SLC35F3: variants seen among roughly 807,000 people sequenced by gnomAD.
SLC35F3 encodes the protein putative thiamine transporter SLC35F3.
Under a neutral mutation model 49.9 loss-of-function variants are expected in SLC35F3, and 25 were observed. The observed-to-expected ratio is 0.50, with a 90% CI of 0.37 to 0.70. The LOEUF (loss-of-function observed/expected upper bound fraction) is 0.70, where lower values mean the gene tolerates loss of function less well. SLC35F3 is among the 30% of genes least tolerant of loss of function. The pLI is 0.00. For synonymous variants in SLC35F3, 275 were observed against 265.4 expected, an observed-to-expected ratio of 1.04 and a Z score of -0.35; for missense variants, 525 against 639.8, an observed-to-expected ratio of 0.82 and a Z score of 1.94.
intron 3 of SLC35F3, among the ~76,000 whole-genome samples, chr1:234,279,601 T>C (rs1337728761): frequency 6.6e-6 from 1 of 151,892 alleles, no homozygotes; most frequent in Non-Finnish European, 1.5e-5. Flanking sequence ...TCACAGATGG[T>C]GGGAAGTGGA....
At chr1:234,054,121 G>A (rs959822356) in intron 2 of SLC35F3, among the ~76,000 whole-genome samples, 2 of 152,056 alleles carry the variant, frequency 1.3e-5, no homozygotes, top group Non-Finnish European at 2.9e-5. Context: ...TATGTGTCTT[G>A]GAGTTGCTCC....
chr1:234,048,725 C>T (rs1265195189), intron 2 of SLC35F3, among the ~76,000 whole-genome samples: 1 of 151,652 alleles, frequency 6.6e-6, no homozygotes, highest in Non-Finnish European at 1.5e-5. Flanking sequence ...CCCAGTGGGT[C>T]TGAGAGGCAG....
At chr1:234,060,275 G>A (rs79537278) in intron 2 of SLC35F3, among the ~76,000 whole-genome samples, 2,860 of 152,156 alleles carry the variant, frequency 0.019, 127 homozygotes, top group East Asian at 0.17. Context: ...TTTTACTGAA[G>A]TCTTCTACTT....
chr1:234,105,206 A>G (rs1023735166), intron 2 of SLC35F3, among the ~76,000 whole-genome samples: 1 of 151,532 alleles, frequency 6.6e-6, no homozygotes, highest in African/African-American at 2.4e-5. Context: ...TTCAGTTCCC[A>G]CGAAAAGGAA....
Position 234,318,898 on chromosome 1 carries a change from G to C in SLC35F3, c.1102G>C (p.Asp368His). 1 of 1,614,128 alleles carries C rather than the reference G, an allele frequency of 6.2e-7. No homozygotes were observed. The highest frequency in any genetic ancestry group is 1.1e-5 in the South Asian group (1 of 91,066). The change falls in exon 6 of 8, where the codon GAC becomes CAC. Residue 368 changes from aspartate (D) to histidine (H), a missense_variant. Transcript: ENST00000366618. ...TKVEYWSSFD[D>H]IPWGNLCGFS... ...AGTGGAATACTGGAGCTCTTTTGAT[G>C]ACATTCCATGGGGAAACCTTTGTGG...
At chr1:234,073,184 C>G (rs1018649681) in intron 2 of SLC35F3, among the ~76,000 whole-genome samples, 1 of 152,190 alleles carries the variant, frequency 6.6e-6, no homozygotes, top group African/African-American at 2.4e-5. Context: ...TGCTGTGTCA[C>G]CCAGGCTGGA....
chr1:233,910,042 T>C (rs1436428930), intron 2 of SLC35F3, among the ~76,000 whole-genome samples: 1 of 152,262 alleles, frequency 6.6e-6, no homozygotes, highest in Non-Finnish European at 1.5e-5. Flanking sequence ...AGCCTGTTCC[T>C]TCTGCAGCTG....
chr1:234,060,650 C>T (rs1231547603), intron 2 of SLC35F3, among the ~76,000 whole-genome samples: 3 of 152,088 alleles, frequency 2.0e-5, no homozygotes, highest in African/African-American at 4.8e-5. Context: ...CCGGGTTTTA[C>T]CATGTTGCCC....
chr1:234,250,306 C>A (rs554233170), intron 3 of SLC35F3, among the ~76,000 whole-genome samples: 3 of 152,196 alleles, frequency 2.0e-5, no homozygotes, highest in African/African-American at 7.2e-5. Context: ...CCCCTGTCTT[C>A]GCCTGTTTGT....
intron 2 of SLC35F3, among the ~76,000 whole-genome samples, chr1:233,974,412 C>T (rs368174780): frequency 6.6e-5 from 10 of 152,074 alleles, no homozygotes; most frequent in African/African-American, 2.4e-4. Context: ...AAACTCCTGA[C>T]CTCAGGTGAT....
intron 2 of SLC35F3, among the ~76,000 whole-genome samples, chr1:233,952,665 C>A (rs1337711353): frequency 2.0e-5 from 3 of 152,138 alleles, no homozygotes; most frequent in African/African-American, 7.2e-5. Flanking sequence ...GTGAACAAAA[C>A]ATTTAGGTTT....
At chr1:234,119,294 T>G (rs1665538585) in intron 2 of SLC35F3, among the ~76,000 whole-genome samples, 1 of 143,628 alleles carries the variant, frequency 7.0e-6, no homozygotes, top group African/African-American at 2.6e-5. Flanking sequence ...TCTCAATTCA[T>G]GGTGATTTTT....
At chr1:234,244,143 G>A (rs1482858896) in intron 3 of SLC35F3, among the ~76,000 whole-genome samples, 1 of 152,290 alleles carries the variant, frequency 6.6e-6, no homozygotes, top group Admixed American at 6.5e-5. Flanking sequence ...GCTCAGAGTT[G>A]GAGTCAGTCT....
At position 234,231,525 on chromosome 1, in the gene SLC35F3, A is replaced by G. The variant is rs1281022480; in HGVS notation, c.392A>G (p.Gln131Arg). 1 of 1,613,912 alleles carries G rather than the reference A, an allele frequency of 6.2e-7. No individual in the cohort carries two copies. The highest frequency in any genetic ancestry group is 1.7e-4 in the Middle Eastern group (1 of 6,060). ...CGCTGCTGGACGTGCTCCCGGGCGC[A>G]ACTCAAGAAGATCTTCTGGGGCGTG... ...SRRCWTCSRAQLKKIFWGVAV... is the reference protein window; with the variant it reads ...SRRCWTCSRARLKKIFWGVAV... The change falls in exon 3 of 8, where the codon CAA becomes CGA. Residue 131 changes from glutamine to arginine, a missense_variant. Coordinates refer to ENST00000366618, the MANE Select transcript of SLC35F3 (RefSeq NM_173508.4). The surrounding 1 kb of genome is among the most constrained non-coding windows in gnomAD (Gnocchi z 5.4).
At chr1:234,319,626 G>A (rs945477414) in intron 6 of SLC35F3, among the ~76,000 whole-genome samples, 3 of 152,158 alleles carry the variant, frequency 2.0e-5, no homozygotes, top group Non-Finnish European at 2.9e-5. Flanking sequence ...CACTTGAGCA[G>A]AGGGATTGAG....
chr1:234,220,124 T>C (rs988669452), intron 2 of SLC35F3, among the ~76,000 whole-genome samples: 4 of 151,442 alleles, frequency 2.6e-5, no homozygotes, highest in Admixed American at 2.0e-4. Context: ...CATCCGAAAC[T>C]GAGAAAAGAC....
At chr1:234,248,610 G>A (rs549128445) in intron 3 of SLC35F3, among the ~76,000 whole-genome samples, 137 of 152,290 alleles carry the variant, frequency 9.0e-4, no homozygotes, top group Non-Finnish European at 1.6e-3. Flanking sequence ...CCTTCTAATT[G>A]AAAAACATCA....
chr1:233,980,776 G>A (rs571754602), intron 2 of SLC35F3, among the ~76,000 whole-genome samples: 35 of 152,242 alleles, frequency 2.3e-4, no homozygotes, highest in African/African-American at 7.7e-4. Flanking sequence ...CCTTCACATC[G>A]TACTGTCAAT....
At position 233,957,077 on chromosome 1, in the gene SLC35F3, A is replaced by G. The variant is rs922938624; in HGVS notation, c.283+51319A>G. Among the ~76,000 whole-genome samples the G allele has an allele frequency of 2.2e-4, 33 of 152,148 alleles. No individual in the cohort carries two copies. Among genetic ancestry groups the G allele is most frequent in the African/African-American group, 6.3e-4 (26 of 41,516 alleles). On this transcript the variant is annotated intron_variant, in intron 2 of 7. Transcript: ENST00000366618. The surrounding 1 kb of genome is among the most constrained non-coding windows in gnomAD (Gnocchi z 4.0). The stretch of plus-strand genomic sequence containing the variant: ...AAGTGAAGAAGCCTTTGCCGGTTTT[A>G]TTTTTCCTGGTATCCTCTCTCTTAC...
Sources: allele counts gnomAD v4.1 joint callset (sites outside exome capture counted in the v4.1 genomes callset), GRCh38; gene constraint gnomAD v4.1.1; non-coding constraint Gnocchi (gnomAD v3.1); transcripts MANE v1.5; gene names NCBI Gene and HGNC (gene_info 2026-07-23, HGNC 2026-07-21).